SELENOI: variants seen among roughly 807,000 people sequenced by gnomAD.
SELENOI encodes ethanolaminephosphotransferase 1.
SELENOI carries 24 observed loss-of-function variants against 50.7 expected under a neutral mutation model. The ratio of observed to expected loss-of-function variants is 0.47; its 90% CI spans 0.34 to 0.67. SELENOI has a LOEUF of 0.67. SELENOI is among the 30% of genes least tolerant of loss of function. The pLI is 0.01. For synonymous variants in SELENOI, 155 were observed against 170.2 expected, an observed-to-expected ratio of 0.91 and a Z score of 0.70; for missense variants, 352 against 461.4, an observed-to-expected ratio of 0.76 and a Z score of 2.17.
chr2:26,353,976 G>C (rs769573563), intron 1 of SELENOI, among the ~76,000 whole-genome samples: 5 of 152,148 alleles, frequency 3.3e-5, no homozygotes, highest in Non-Finnish European at 5.9e-5. Flanking sequence ...AAAGACCCTG[G>C]TATGTTAGAA....
intron 1 of SELENOI, among the ~76,000 whole-genome samples, chr2:26,358,322 G>A (rs1268495660): frequency 1.3e-5 from 2 of 152,146 alleles, no homozygotes; most frequent in Non-Finnish European, 2.9e-5. Context: ...GGGAGGCGGA[G>A]GTTGCAGTGA....
chr2:26,395,516 T>C lies in SELENOI; in HGVS notation c.*6413T>C, dbSNP rs1357996703. 2 of 152,698 alleles carry C rather than the reference T, an allele frequency of 1.3e-5. No individual in the cohort carries two copies. The highest frequency in any genetic ancestry group is 3.8e-4 in the East Asian group (2 of 5,202). The allele number at this position is 152,698 out of a possible 1,614,324, so 9.5% of individuals were successfully genotyped here. ...CAGAGGGTGGCTCTGGGAGCAGTTG[T>C]GCTGCGGGCTTGCTGGGGGAGAACT... On this transcript the variant is annotated 3_prime_UTR_variant, in exon 10 of 10. Transcript: ENST00000260585.
At chr2:26,368,402 G>A (rs1264499549) in intron 4 of SELENOI, among the ~76,000 whole-genome samples, 7 of 152,290 alleles carry the variant, frequency 4.6e-5, no homozygotes, top group South Asian at 2.1e-4. Flanking sequence ...TTGACAACAC[G>A]CCGTAAGATC....
intron 1 of SELENOI, among the ~76,000 whole-genome samples, chr2:26,359,734 T>C (rs1677135790): frequency 6.6e-6 from 1 of 152,162 alleles, no homozygotes; most frequent in African/African-American, 2.4e-5. Flanking sequence ...TGTTAGTGTA[T>C]AGAAAAATTG....
chr2:26,394,307 C>T lies in SELENOI; in HGVS notation c.*5204C>T, dbSNP rs1433159264. 6.6e-6 allele frequency: 1 copy of T among 152,224 alleles called. No homozygotes were observed. The highest frequency in any genetic ancestry group is 1.5e-5 in the Non-Finnish European group (1 of 68,054). The allele number at this position is 152,224 out of a possible 1,614,324, so 9.4% of individuals were successfully genotyped here. Reference sequence around the variant, plus strand: ...ACTGGGGAGGCTGAGGCAGGAGAATCACTTGAACCTGGGAGATGGAGATTG... The same window carrying T: ...ACTGGGGAGGCTGAGGCAGGAGAATTACTTGAACCTGGGAGATGGAGATTG... On this transcript the variant is annotated 3_prime_UTR_variant, in exon 10 of 10. Transcript: ENST00000260585. This position sits in a 1 kb window ranked among gnomAD's most constrained non-coding sequence, Gnocchi z 4.1.
intron 6 of SELENOI, among the ~76,000 whole-genome samples, chr2:26,379,171 G>A (rs375290492): frequency 2.4e-4 from 37 of 152,284 alleles, no homozygotes; most frequent in African/African-American, 8.2e-4. Flanking sequence ...GGCTGAGGCA[G>A]GAGAATCGCT....
At chr2:26,353,557 T>C (rs934877040) in intron 1 of SELENOI, among the ~76,000 whole-genome samples, 3 of 152,224 alleles carry the variant, frequency 2.0e-5, no homozygotes, top group African/African-American at 4.8e-5. Context: ...TTTGTCACCT[T>C]GACTAGATTT....
chr2:26,384,876 TAAGG>T (rs1467009162), intron 7 of SELENOI, 79 bp from the exon 8 acceptor site: 22 of 950,684 alleles, frequency 2.3e-5, no homozygotes, highest in Non-Finnish European at 3.1e-5. Context: ...AGTGTATAAA[TAAGG>T]AAACTATAAA....
chr2:26,348,144 A>G (rs1676849533), intron 1 of SELENOI, among the ~76,000 whole-genome samples: 1 of 152,252 alleles, frequency 6.6e-6, no homozygotes, highest in Admixed American at 6.5e-5. Flanking sequence ...CCATGGGATC[A>G]GTTTTGCTTG....
intron 1 of SELENOI, 138 bp downstream of exon 1, chr2:26,346,427 C>CG: frequency 9.1e-7 from 1 of 1,098,012 alleles, no homozygotes; most frequent in East Asian, 2.9e-5. Context: ...GGAGGTCCTG[C>CG]GGGTCCTGGG....
chr2:26,395,347 TC>T lies in SELENOI; in HGVS notation c.*6245del, dbSNP rs1184823968. 3.3e-5 allele frequency: 5 copies of T among 152,212 alleles called. No homozygotes were observed. The highest frequency in any genetic ancestry group is 1.2e-4 in the African/African-American group (5 of 41,458). 9.4% of individuals were successfully genotyped at this position (152,212 alleles called of 1,614,324 possible). A position where few individuals can be genotyped will look rare whatever the true frequency, so the allele number is the denominator to read the frequency against. On this transcript the variant is annotated 3_prime_UTR_variant, in exon 10 of 10. Coordinates refer to ENST00000260585, the MANE Select transcript of SELENOI (RefSeq NM_033505.4). ...TCTGTCTTCCAGTTCATCTCAGTCC[TC>T]GAGAAAGGCCCTTTAAATATGTCAC... is the stretch of plus-strand genomic sequence containing the variant.
chr2:26,353,542 G>A (rs1260962859), intron 1 of SELENOI, among the ~76,000 whole-genome samples: 1 of 152,122 alleles, frequency 6.6e-6, no homozygotes, highest in Non-Finnish European at 1.5e-5. Flanking sequence ...ATCTTTAATT[G>A]TACCTTTGTC....
chr2:26,364,256 A>G, intron 1 of SELENOI, 46 bp from the exon 2 acceptor site: 1 of 1,306,912 alleles, frequency 7.7e-7, no homozygotes, highest in Non-Finnish European at 1.1e-6. Context: ...TCTGTCTACT[A>G]GTAGGCAAGG....
chr2:26,381,903 C>G (rs749937188), intron 6 of SELENOI, among the ~76,000 whole-genome samples: 2 of 152,150 alleles, frequency 1.3e-5, no homozygotes, highest in Non-Finnish European at 2.9e-5. Flanking sequence ...TGCATTGACC[C>G]TCAAACCAAG....
chr2:26,370,603 CTGGG>C (rs1677398937), intron 4 of SELENOI, among the ~76,000 whole-genome samples: 1 of 7,132 alleles, frequency 1.4e-4, no homozygotes, highest in Non-Finnish European at 2.6e-3. Context: ...GGGCGGCTGG[CTGGG>C]CGGGGGCTGA....
intron 1 of SELENOI, 22 bp from the exon 2 acceptor site, chr2:26,364,280 A>G: frequency 1.3e-6 from 2 of 1,504,230 alleles, no homozygotes; most frequent in Non-Finnish European, 1.8e-6. Flanking sequence ...TACTCTGAAT[A>G]TTTTCTTTCA....
intron 6 of SELENOI, among the ~76,000 whole-genome samples, chr2:26,380,280 T>A (rs1256649715): frequency 6.6e-6 from 1 of 152,246 alleles, no homozygotes; most frequent in African/African-American, 2.4e-5. Context: ...TTATGGCTTA[T>A]CTTTTCATTG....
At chr2:26,385,652 A>C (rs897129833) in intron 8 of SELENOI, among the ~76,000 whole-genome samples, 2 of 152,232 alleles carry the variant, frequency 1.3e-5, no homozygotes, top group African/African-American at 4.8e-5. Context: ...GACAGGAAGC[A>C]GAGATCAGGA....
chr2:26,370,625 A>C (rs1272951139), intron 4 of SELENOI, among the ~76,000 whole-genome samples: 2 of 20,932 alleles, frequency 9.6e-5, no homozygotes, highest in African/African-American at 2.7e-4. Flanking sequence ...TGACCCCCCC[A>C]CCTCCCTCCC....
Sources: allele counts gnomAD v4.1 joint callset (sites outside exome capture counted in the v4.1 genomes callset), GRCh38; gene constraint gnomAD v4.1.1; non-coding constraint Gnocchi (gnomAD v3.1); transcripts MANE v1.5; gene names NCBI Gene and HGNC (gene_info 2026-07-23, HGNC 2026-07-21).